LEMD3: variants seen among roughly 807,000 people sequenced by gnomAD.
LEMD3 encodes inner nuclear membrane protein Man1.
In LEMD3, 33 loss-of-function variants were observed where a neutral mutation model predicts 95.2. That is an observed-to-expected ratio of 0.35 (90% CI 0.26 to 0.46). The LOEUF (loss-of-function observed/expected upper bound fraction) is 0.46. LEMD3 is among the 20% of genes least tolerant of loss of function. The probability of loss-of-function intolerance (pLI) is 1.00; values close to 1 mark genes in which losing one functional copy is unlikely to be tolerated. For synonymous variants in LEMD3, 525 were observed against 474.6 expected, an observed-to-expected ratio of 1.11 and a Z score of -1.38; for missense variants, 1,210 against 1,192.8, an observed-to-expected ratio of 1.01 and a Z score of -0.21.
In LEMD3 at chr12:65,170,719, A is replaced by G; in HGVS notation, c.1123A>G (p.Met375Val). Residue 375 changes from methionine (M) to valine (V), a missense_variant, in exon 1 of 13, where the codon ATG (methionine) becomes GTG (valine). Met to Val is a conservative substitution (Grantham distance 21). Around this residue, in one of 2 missense-constraint regions of LEMD3, gnomAD observed 749 missense variants for 622.9 expected, o/e 1.20. Transcript: ENST00000308330. The part of the protein sequence containing the change: ...TPLLPPPLTD[M>V]DSTLDSSTGS... ...TCTCCTGCCCCCGCCACTTACTGAC[A>G]TGGACTCAACCTTGGATTCGTCAAC... 6.2e-7 allele frequency: 1 copy of G among 1,614,224 alleles called. No homozygotes were observed. Among genetic ancestry groups the G allele is most frequent in the Non-Finnish European group, 8.5e-7 (1 of 1,180,036 alleles).
intron 1 of LEMD3, 149 bp downstream of exon 1, chr12:65,171,267 C>G (rs1868542872): frequency 7.3e-7 from 1 of 1,361,704 alleles, no homozygotes. Context: ...TGTCATCTTT[C>G]TTAAAGAACA....
chr12:65,169,698 C>T lies in LEMD3; in HGVS notation c.102C>T (p.Ser34=). The T allele has an allele frequency of 6.3e-7, 1 of 1,584,284 alleles. No homozygotes were observed. Among genetic ancestry groups the T allele is most frequent in the Non-Finnish European group, 8.6e-7 (1 of 1,165,876 alleles). ...TGTCTCCCGGACCAGTGACGGAGAG[C>T]ACCCGCCCGGTCTACCTCAAGAAGC... ...YGLSPGPVTE[S]TRPVYLKKLK... is the part of the protein sequence containing the mutation. The change falls in exon 1 of 13, where the codon AGC becomes AGT. Residue 34 remains serine (S), a synonymous_variant. Transcript: ENST00000308330.
chr12:65,217,520 A>C (rs531943120), intron 3 of LEMD3, among the ~76,000 whole-genome samples: 2 of 152,214 alleles, frequency 1.3e-5, no homozygotes, highest in Non-Finnish European at 2.9e-5. Flanking sequence ...TTTATTTTAG[A>C]AACATTTGGC....
rs1165638319 is a variant in LEMD3 at position 65,195,717 on chromosome 12, A to T, written c.1523-15209A>T. ...ACAAGATGGCCAGGAAAAGCTTCTT[A>T]AATGCTTGGGTAAAGCTAGTTATAT... On this transcript the variant is annotated intron_variant, in intron 1 of 12. Coordinates refer to ENST00000308330, the MANE Select transcript of LEMD3 (RefSeq NM_014319.5). Among the ~76,000 whole-genome samples the T allele has an allele frequency of 2.0e-5, 3 of 152,296 alleles. No homozygotes were observed. The East Asian group carries it at 5.8e-4, about 29-fold the overall frequency.
chr12:65,184,507 G>A (rs1309905695), intron 1 of LEMD3, among the ~76,000 whole-genome samples: 1 of 152,114 alleles, frequency 6.6e-6, no homozygotes, highest in African/African-American at 2.4e-5. Flanking sequence ...GGCTTTTAGT[G>A]TTTTCTCTTA....
intron 8 of LEMD3, chr12:65,240,465 C>T: frequency 1.9e-6 from 1 of 523,074 alleles, no homozygotes. Flanking sequence ...CATTCCTAGG[C>T]ATTCTTGATT....
intron 4 of LEMD3, among the ~76,000 whole-genome samples, chr12:65,235,492 C>G (rs888785106): frequency 2.6e-5 from 4 of 151,796 alleles, no homozygotes; most frequent in Admixed American, 2.0e-4. Flanking sequence ...ATGGATTTAA[C>G]CAACCGTGGA....
intron 4 of LEMD3, among the ~76,000 whole-genome samples, chr12:65,226,943 T>G (rs1283438217): frequency 6.6e-6 from 1 of 152,192 alleles, no homozygotes; most frequent in Non-Finnish European, 1.5e-5. Flanking sequence ...TTAAGGTTGT[T>G]TATTGTCTTT....
chr12:65,186,275 C>T (rs941137624), intron 1 of LEMD3, among the ~76,000 whole-genome samples: 5 of 151,794 alleles, frequency 3.3e-5, no homozygotes, highest in African/African-American at 1.2e-4. Flanking sequence ...ACTTATTCAT[C>T]TAAATGATAT....
chr12:65,228,710 T>C (rs1378400017), intron 4 of LEMD3, among the ~76,000 whole-genome samples: 1 of 152,216 alleles, frequency 6.6e-6, no homozygotes, highest in African/African-American at 2.4e-5. Flanking sequence ...TTATTATTTT[T>C]AATTGACATA....
intron 4 of LEMD3, among the ~76,000 whole-genome samples, chr12:65,230,199 A>C (rs1013671585): frequency 6.6e-6 from 1 of 152,126 alleles, no homozygotes; most frequent in African/African-American, 2.4e-5. Context: ...TGTTTTGGTT[A>C]CTATAGCTTT....
chr12:65,237,655 T>A (rs1217500151), intron 4 of LEMD3, among the ~76,000 whole-genome samples: 1 of 152,214 alleles, frequency 6.6e-6, no homozygotes, highest in Admixed American at 6.5e-5. Context: ...TTATTCCATA[T>A]CAAAAAACTG....
At chr12:65,221,440 C>T (rs1049725995) in intron 4 of LEMD3, among the ~76,000 whole-genome samples, 3 of 151,454 alleles carry the variant, frequency 2.0e-5, no homozygotes, top group African/African-American at 7.3e-5. Flanking sequence ...CCAGGCTGGT[C>T]TCAAACTCCT....
intron 4 of LEMD3, among the ~76,000 whole-genome samples, chr12:65,228,837 A>G (rs1190972455): frequency 5.9e-5 from 9 of 152,230 alleles, no homozygotes; most frequent in Admixed American, 5.9e-4. Flanking sequence ...TTGTGTTGGG[A>G]ACATTCAAAA....
In LEMD3 at chr12:65,170,083, G is replaced by A. The variant is rs1868471232; in HGVS notation, c.487G>A (p.Ala163Thr). The change falls in exon 1 of 13, where the codon GCT becomes ACT. Residue 163 changes from alanine (A) to threonine (T), a missense_variant. By Grantham distance (58) the Ala-to-Thr change is moderately conservative. This residue lies in a region of LEMD3 where 749 missense variants were observed against 622.9 expected (regional missense o/e 1.20). Transcript: ENST00000308330. ...CGGCGGCGGCGGGAGGAAAGACCGGGCTTCGCTCCAGTACCGCGGGCTCAA... is the reference window on the plus strand; with the variant it reads ...CGGCGGCGGCGGGAGGAAAGACCGGACTTCGCTCCAGTACCGCGGGCTCAA... ...QAGGGGRKDR[A>T]SLQYRGLKAP... is the part of the protein sequence containing the mutation. 3 of 1,485,548 alleles carry A rather than the reference G, an allele frequency of 2.0e-6. No individual in the cohort carries two copies. The highest frequency in any genetic ancestry group is 2.7e-6 in the Non-Finnish European group (3 of 1,127,744). 92.0% of individuals were successfully genotyped at this position (1,485,548 alleles called of 1,614,324 possible).
At chr12:65,232,052 A>G (rs1046383662) in intron 4 of LEMD3, among the ~76,000 whole-genome samples, 2 of 152,150 alleles carry the variant, frequency 1.3e-5, no homozygotes, top group Non-Finnish European at 2.9e-5. Context: ...TTAGGAAATA[A>G]TCCTAAAAAG....
intron 1 of LEMD3, among the ~76,000 whole-genome samples, chr12:65,183,717 G>A (rs1270990973): frequency 4.6e-5 from 7 of 152,182 alleles, no homozygotes; most frequent in Non-Finnish European, 1.0e-4. Flanking sequence ...GTTTGGGCAG[G>A]TAGGTGGGTG....
At chr12:65,202,208 G>A (rs1387113410) in intron 1 of LEMD3, among the ~76,000 whole-genome samples, 2 of 151,780 alleles carry the variant, frequency 1.3e-5, no homozygotes, top group African/African-American at 2.4e-5. Context: ...AGTAGAGATG[G>A]GATTTCACCA....
At chr12:65,203,662 G>T (rs887144852) in intron 1 of LEMD3, among the ~76,000 whole-genome samples, 26 of 152,122 alleles carry the variant, frequency 1.7e-4, no homozygotes, top group African/African-American at 6.3e-4. Context: ...GTTAATTAAT[G>T]ATTTGTTGAG....
Sources: gnomAD v4.1 joint callset for allele counts (sites outside exome capture counted in the v4.1 genomes callset) on GRCh38, gnomAD v4.1.1 for gene constraint, gnomAD v4.1.1 regional missense constraint, MANE v1.5 for transcripts, NCBI Gene and HGNC (gene_info 2026-07-23, HGNC 2026-07-21) for gene names.